The following ANKRD18B variants were observed in gnomAD, a reference collection of about 807,000 sequenced individuals.
ANKRD18B encodes the protein ankyrin repeat domain 18B, also known as ankyrin repeat domain-containing protein 18B.
A neutral mutation model predicts 111.8 loss-of-function variants in ANKRD18B; 75 were observed. The observed-to-expected ratio is 0.67, with a 90% CI of 0.56 to 0.81. The LOEUF is 0.81. Among genes scored for constraint, ANKRD18B ranks in the 40% least tolerant of loss-of-function variants. The probability of loss-of-function intolerance (pLI) is 0.00; values close to 1 mark genes in which losing one functional copy is unlikely to be tolerated. For synonymous variants in ANKRD18B, 356 were observed against 417.3 expected, an observed-to-expected ratio of 0.85 and a Z score of 1.79; for missense variants, 1,038 against 1,225.5, an observed-to-expected ratio of 0.85 and a Z score of 2.28.
chr9:33,547,660 A>T (rs1828376860), intron 10 of ANKRD18B, among the ~76,000 whole-genome samples: 3 of 150,120 alleles, frequency 2.0e-5, no homozygotes, highest in Non-Finnish European at 4.4e-5. Flanking sequence ...TCCAATTCTG[A>T]TATTCTTAAA....
intron 1 of ANKRD18B, 55 bp downstream of exon 1, chr9:33,524,750 A>G: frequency 7.3e-6 from 11 of 1,515,792 alleles, no homozygotes; most frequent in Non-Finnish European, 9.7e-6. Flanking sequence ...GTTTCCCCGC[A>G]CCGCCTGAGG....
chr9:33,554,181 A>AAAAGAAAGAAAGAAAGAAAG (rs200436620), intron 12 of ANKRD18B, among the ~76,000 whole-genome samples: 8 of 151,208 alleles, frequency 5.3e-5, no homozygotes, highest in Admixed American at 1.3e-4. Context: ...GAAAGAAGGA[A>AAAAGAAAGAAAGAAAGAAAG]AAAGAAAGAA....
chr9:33,550,648 T>A, intron 12 of ANKRD18B, 69 bp downstream of exon 12: 1 of 1,335,742 alleles, frequency 7.5e-7, no homozygotes, highest in East Asian at 2.7e-5. Flanking sequence ...CTAAGTGTCT[T>A]AGGATACTAA....
rs1234074751 is a variant in ANKRD18B at position 33,533,527 on chromosome 9, C to T, written c.584C>T (p.Ala195Val). 29 of 1,530,712 alleles carry T rather than the reference C, an allele frequency of 1.9e-5. No individual in the cohort carries two copies. The highest frequency in any genetic ancestry group is 2.5e-5 in the Non-Finnish European group (29 of 1,141,082). 94.8% of individuals were successfully genotyped at this position (1,530,712 alleles called of 1,614,324 possible). The change falls in exon 4 of 19, where the codon GCC becomes GTC. Residue 195 changes from alanine (A) to valine (V), a missense_variant. Ala to Val is a moderately conservative substitution (Grantham distance 64). Around this residue, in one of 4 missense-constraint regions of ANKRD18B, gnomAD observed 93 missense variants for 141.3 expected, o/e 0.66. Transcript: ENST00000684830. ...FLLKNQANIH[A>V]VDNFKRTALI... ...TTGAAGAACCAGGCAAATATACATG[C>T]CGTTGACAATTTCAAAAGGTGCAAT...
chr9:33,573,115 T>C, downstream of ANKRD18B: 1 of 1,234,958 alleles, frequency 8.1e-7, no homozygotes, highest in Non-Finnish European at 1.0e-6. Flanking sequence ...CAGCACTTTT[T>C]TACTTTCTGG....
In ANKRD18B at chr9:33,534,486, C is replaced by A. The variant is rs766591155; in HGVS notation, c.719C>A (p.Ala240Asp). The A allele has an allele frequency of 6.5e-6, 10 of 1,545,618 alleles. No individual in the cohort carries two copies. The highest frequency in any genetic ancestry group is 1.2e-5 in the South Asian group (1 of 82,284). Residue 240 changes from alanine (A) to aspartate (D), a missense_variant, in exon 5 of 19, where the codon GCT becomes GAT. Ala to Asp is a moderately radical substitution (Grantham distance 126, BLOSUM62 -2). Coordinates refer to ENST00000684830, the MANE Select transcript of ANKRD18B (RefSeq NM_001393611.1). ...DMFGQTAEDY[A>D]FCCDLRSIQQ... ...TTTGGCCAAACTGCCGAGGATTATG[C>A]TTTTTGTTGTGATTTGAGAAGGTAT...
rs1827998147 is a variant in ANKRD18B, at chr9:33,524,595, C to T, written c.106C>T (p.Arg36Trp). ...GTACCACATTCGGGACTGGGAACTGCGGAAGATCCACAGGGCGGCCATCAA... is the reference window on the plus strand; with the variant it reads ...GTACCACATTCGGGACTGGGAACTGTGGAAGATCCACAGGGCGGCCATCAA... The part of the protein sequence containing the change: ...RGYHIRDWEL[R>W]KIHRAAIKGD... The change falls in exon 1 of 19, where the codon CGG becomes TGG. Residue 36 changes from arginine (R) to tryptophan (W), a missense_variant. Arg to Trp is a moderately radical substitution (Grantham distance 101). This residue lies in a region of ANKRD18B where 216 missense variants were observed against 205.1 expected (regional missense o/e 1.05). Transcript: ENST00000684830. 1 of 1,551,508 alleles carries T rather than the reference C, an allele frequency of 6.4e-7. No individual in the cohort carries two copies. The highest frequency in any genetic ancestry group is 8.7e-7 in the Non-Finnish European group (1 of 1,146,860).
intron 12 of ANKRD18B, among the ~76,000 whole-genome samples, chr9:33,554,082 T>A (rs535244067): frequency 0.04 from 3,730 of 94,370 alleles, 160 homozygotes; most frequent in African/African-American, 0.13. Context: ...AAAAAAAAAA[T>A]AAATAAATAA....
chr9:33,550,498 A>C lies in ANKRD18B; in HGVS notation c.2136A>C (p.Pro712=). The change falls in exon 12 of 19, where the codon CCA becomes CCC. Residue 712 remains proline, a synonymous_variant. Transcript: ENST00000684830. ...HLKKFSMSES[P]LEGTSHCHIN... is the part of the protein sequence containing the mutation. ...AAAAATTTTCAATGTCAGAGTCTCC[A>C]CTGGAAGGTACATCACATTGTCATA... 1 of 1,548,686 alleles carries C rather than the reference A, an allele frequency of 6.5e-7. No individual in the cohort carries two copies. The highest frequency in any genetic ancestry group is 8.7e-7 in the Non-Finnish European group (1 of 1,145,630).
intron 3 of ANKRD18B, 70 bp downstream of exon 3, chr9:33,529,243 A>C (rs893165089): frequency 1.3e-6 from 2 of 1,487,324 alleles, no homozygotes; most frequent in African/African-American, 1.4e-5. Flanking sequence ...TCAATTTTTC[A>C]TATTTGGAAC....
chr9:33,529,907 C>A (rs1474701595), intron 3 of ANKRD18B, among the ~76,000 whole-genome samples: 1 of 152,040 alleles, frequency 6.6e-6, no homozygotes, highest in Non-Finnish European at 1.5e-5. Context: ...GATTTATTAC[C>A]CATCCCGGCA....
chr9:33,573,828 G>C (rs576369426), downstream of ANKRD18B, among the ~76,000 whole-genome samples: 1 of 145,382 alleles, frequency 6.9e-6, no homozygotes, highest in Non-Finnish European at 1.6e-5. Flanking sequence ...CTGATCAGCA[G>C]GGACCTGGTT....
chr9:33,542,388 T>C (rs888154744), intron 9 of ANKRD18B, among the ~76,000 whole-genome samples: 1 of 150,698 alleles, frequency 6.6e-6, no homozygotes, highest in African/African-American at 2.4e-5. Flanking sequence ...TTTTTTTTTT[T>C]TTTCTGTTTT....
At chr9:33,566,950 T>C in intron 15 of ANKRD18B, 153 bp from the exon 16 acceptor site, 1 of 693,826 alleles carries the variant, frequency 1.4e-6, no homozygotes, top group Non-Finnish European at 2.3e-6. Flanking sequence ...GTTATTAGTT[T>C]TGTTGATATT....
In ANKRD18B at chr9:33,548,033, A is replaced by G; in HGVS notation, c.1245A>G (p.Ile415Met). Residue 415 changes from isoleucine to methionine, a missense_variant, in exon 11 of 19, where the codon ATA becomes ATG. Coordinates refer to ENST00000684830, the MANE Select transcript of ANKRD18B (RefSeq NM_001393611.1). ...IAMLKEELYA[I>M]KNDSLRKEKK... is the part of the protein sequence containing the mutation. ...TGCTCAAAGAGGAATTATATGCAAT[A>G]AAAAATGACAGTCTCAGAAAGGAAA... is the stretch of plus-strand genomic sequence containing the variant. 6.5e-7 allele frequency: 1 copy of G among 1,529,986 alleles called. No homozygotes were observed. Among genetic ancestry groups the G allele is most frequent in the Non-Finnish European group, 8.8e-7 (1 of 1,140,464 alleles). 94.8% of individuals were successfully genotyped at this position (1,529,986 alleles called of 1,614,324 possible).
At chr9:33,565,764 T>C (rs1476644256) in intron 14 of ANKRD18B, among the ~76,000 whole-genome samples, 1 of 152,196 alleles carries the variant, frequency 6.6e-6, no homozygotes, top group Non-Finnish European at 1.5e-5. Flanking sequence ...TGGGCCACCA[T>C]GCCTAGCGTA....
At position 33,567,498 on chromosome 9, in the gene ANKRD18B, GTC is replaced by G. The variant is rs555160098; in HGVS notation, c.2954+190_2954+191del. 1.5e-4 allele frequency among the ~76,000 whole-genome samples: 23 copies of G among 152,178 alleles called. No homozygotes were observed. The East Asian group carries it at 3.9e-3, about 25-fold the overall frequency. On this transcript the variant is annotated intron_variant, in intron 16 of 18. Coordinates refer to ENST00000684830, the MANE Select transcript of ANKRD18B (RefSeq NM_001393611.1). ...AAAATGTTCATCAAGGATAGTTTCTGTCTCTCTTCTCTTTTTTTGCTTTTGTG... is the reference window on the plus strand; with the variant it reads ...AAAATGTTCATCAAGGATAGTTTCTGTCTCTTCTCTTTTTTTGCTTTTGTG...
At chr9:33,568,314 T>C (rs963349060) in intron 16 of ANKRD18B, among the ~76,000 whole-genome samples, 15 of 152,218 alleles carry the variant, frequency 9.9e-5, no homozygotes, top group African/African-American at 3.6e-4. Flanking sequence ...TCCCACATAG[T>C]TACCCTTTAA....
downstream of ANKRD18B, among the ~76,000 whole-genome samples, chr9:33,574,891 GTCCC>G (rs1205076304): frequency 6.6e-6 from 1 of 152,168 alleles, no homozygotes; most frequent in East Asian, 1.9e-4. Context: ...CTCTTGCTGA[GTCCC>G]CATCGCCTCT....
Sources: gnomAD v4.1 joint callset for allele counts (sites outside exome capture counted in the v4.1 genomes callset) on GRCh38, gnomAD v4.1.1 for gene constraint, gnomAD v4.1.1 regional missense constraint, MANE v1.5 for transcripts, NCBI Gene and HGNC (gene_info 2026-07-23, HGNC 2026-07-21) for gene names.